TMEM230: variants seen among roughly 807,000 people sequenced by gnomAD.
The protein encoded by TMEM230 is UPF0414 transmembrane protein C20orf30.
TMEM230 carries 10 observed loss-of-function variants against 15.8 expected under a neutral mutation model. The observed-to-expected ratio is 0.63, with a 90% CI of 0.39 to 1.07. The LOEUF (loss-of-function observed/expected upper bound fraction) is 1.07, where lower values mean the gene tolerates loss of function less well. TMEM230 is among the 50% of genes least tolerant of loss of function. The pLI is 0.01. For missense variants in TMEM230, 165 were observed against 193.3 expected (o/e 0.85, Z 0.87); for synonymous variants, 67 against 76.9 (o/e 0.87, Z 0.68).
At chr20:5,067,047 G>T (rs1400612232), downstream of TMEM230, among the ~76,000 whole-genome samples, 1 of 152,170 alleles carries the variant, frequency 6.6e-6, no homozygotes, top group Non-Finnish European at 1.5e-5. Context: ...TAGTGGAGAA[G>T]TGAGAAACGG....
intron 2 of TMEM230, among the ~76,000 whole-genome samples, 192 bp from the exon 2 acceptor site, chr20:5,109,637 T>C (rs530956822): frequency 2.0e-5 from 3 of 152,292 alleles, no homozygotes; most frequent in African/African-American, 4.8e-5. Flanking sequence ...AAACCAGATA[T>C]GCCTCTGACA....
chr20:5,084,302 C>A (rs1176932431), intron 3 of TMEM230, among the ~76,000 whole-genome samples: 3 of 151,190 alleles, frequency 2.0e-5, no homozygotes, highest in African/African-American at 4.9e-5. Flanking sequence ...CGGCTCACTG[C>A]AACCTCCACC....
chr20:5,070,829 C>A (rs983381290), intron 3 of TMEM230, among the ~76,000 whole-genome samples: 36 of 152,134 alleles, frequency 2.4e-4, no homozygotes, highest in African/African-American at 7.7e-4. Context: ...TACAGCGGTG[C>A]GATTAAGGCT....
intron 3 of TMEM230, among the ~76,000 whole-genome samples, chr20:5,092,382 C>T (rs1286951269): frequency 2.6e-5 from 4 of 152,050 alleles, no homozygotes; most frequent in East Asian, 1.9e-4. Context: ...TCTGACATTC[C>T]GGGTTCTACA....
rs559410091 is a variant in TMEM230, at chr20:5,108,279, C to T, written c.288+1053G>A. ...TACTAAAAATACAAAATTAGCTGGG[C>T]GTGGTGGCGCATGCCCGTAATCCCA... On this transcript the variant is annotated intron_variant, in intron 3 of 4. Transcript: ENST00000342308. Among the ~76,000 whole-genome samples, 12 of 151,918 alleles carry T rather than the reference C, an allele frequency of 7.9e-5. No individual in the cohort carries two copies. The East Asian group carries it at 1.6e-3, about 20-fold the overall frequency.
At chr20:5,092,715 CAAA>C (rs749828640) in intron 3 of TMEM230, among the ~76,000 whole-genome samples, 13 of 53,016 alleles carry the variant, frequency 2.5e-4, no homozygotes, top group Admixed American at 2.2e-3. Flanking sequence ...AACTCCGTCT[CAAA>C]AAAAAAAAAA....
intron 4 of TMEM230, among the ~76,000 whole-genome samples, chr20:5,101,150 A>G (rs1486624623): frequency 6.6e-6 from 1 of 152,204 alleles, no homozygotes; most frequent in Non-Finnish European, 1.5e-5. Flanking sequence ...ATTCTCATCC[A>G]GATATTTTGG....
chr20:5,097,743 C>A (rs1266186864), downstream of TMEM230, among the ~76,000 whole-genome samples: 1 of 151,938 alleles, frequency 6.6e-6, no homozygotes, highest in African/African-American at 2.4e-5. Flanking sequence ...TCAAGTGATT[C>A]TCCTGCCTCA....
chr20:5,101,608 G>T (rs1378087037), intron 4 of TMEM230, among the ~76,000 whole-genome samples: 1 of 151,980 alleles, frequency 6.6e-6, no homozygotes, highest in Non-Finnish European at 1.5e-5. Context: ...TTGTTTGTTT[G>T]GTAGAGATGA....
chr20:5,111,957 C>T (rs183404399), intron 1 of TMEM230: 37 of 184,390 alleles, frequency 2.0e-4, no homozygotes, highest in Admixed American at 1.1e-3. Flanking sequence ...AACGATTCTC[C>T]TGCATCTGCC....
downstream of TMEM230, among the ~76,000 whole-genome samples, chr20:5,064,983 C>A (rs2088638098): frequency 6.6e-6 from 1 of 151,082 alleles, no homozygotes; most frequent in Non-Finnish European, 1.5e-5. Flanking sequence ...CCAGCCTGGG[C>A]CAACAAAGTG....
Position 5,074,149 on chromosome 20 carries a change from A to G in TMEM230, c.223-4800T>C, listed in dbSNP as rs375634831. Among the ~76,000 whole-genome samples, 28 of 152,270 alleles carry G rather than the reference A, an allele frequency of 1.8e-4. No homozygotes were observed. The South Asian group carries it at 5.8e-3, about 32-fold the overall frequency. Reference sequence around the variant, plus strand: ...TGCCCCCATGACCCGAACACCTCCCACCAGGCCCCTCCTCCAACACTGGGG... The same window carrying G: ...TGCCCCCATGACCCGAACACCTCCCGCCAGGCCCCTCCTCCAACACTGGGG... On this transcript the variant is annotated intron_variant, in intron 3 of 3. Coordinates refer to the TMEM230 transcript ENST00000612323.
At chr20:5,066,524 T>C (rs185997534), downstream of TMEM230, among the ~76,000 whole-genome samples, 2 of 151,878 alleles carry the variant, frequency 1.3e-5, no homozygotes, top group African/African-American at 4.8e-5. Flanking sequence ...ACAAAAAAAT[T>C]AGCTGGGTGT....
At chr20:5,084,247 G>A (rs937218943) in intron 3 of TMEM230, among the ~76,000 whole-genome samples, 7 of 146,428 alleles carry the variant, frequency 4.8e-5, no homozygotes, top group Non-Finnish European at 8.9e-5. Flanking sequence ...TTTTTGAGAC[G>A]GAGTCTTGCT....
chr20:5,094,663 C>T (rs529673853), intron 3 of TMEM230, among the ~76,000 whole-genome samples: 16 of 138,488 alleles, frequency 1.2e-4, no homozygotes, highest in Middle Eastern at 4.4e-3. Flanking sequence ...GCTGAGATCC[C>T]GCCACGGCAC....
intron 3 of TMEM230, among the ~76,000 whole-genome samples, chr20:5,071,828 C>T (rs547406444): frequency 6.6e-6 from 1 of 151,892 alleles, no homozygotes; most frequent in South Asian, 2.1e-4. Flanking sequence ...GCAACTTCTG[C>T]CTCCTGGGTT....
chr20:5,081,235 C>T (rs1269967822), intron 3 of TMEM230, among the ~76,000 whole-genome samples: 6 of 152,312 alleles, frequency 3.9e-5, no homozygotes, highest in Non-Finnish European at 5.9e-5. Flanking sequence ...TTATCCCCTC[C>T]CCTAGAAGCC....
intron 3 of TMEM230, among the ~76,000 whole-genome samples, chr20:5,087,807 G>A (rs1218818187): frequency 3.4e-5 from 5 of 146,868 alleles, no homozygotes; most frequent in Admixed American, 2.7e-4. Context: ...GATGAGAAGA[G>A]GCATTCGGTG....
chr20:5,062,746 G>A, the TMEM230 span, among the ~76,000 whole-genome samples: 2 of 152,074 alleles, frequency 1.3e-5, no homozygotes, highest in South Asian at 4.1e-4. Context: ...CTGGGAAACA[G>A]AGTGAGACCC....
Sources: allele counts gnomAD v4.1 joint callset (sites outside exome capture counted in the v4.1 genomes callset), GRCh38; gene constraint gnomAD v4.1.1; transcripts MANE v1.5; gene names NCBI Gene and HGNC (gene_info 2026-07-23, HGNC 2026-07-21).